Variants in ASTN2 observed in about 807,000 individuals in gnomAD.
ASTN2 encodes astrotactin-2.
Under a neutral mutation model 139.8 loss-of-function variants are expected in ASTN2, and 54 were observed. The ratio of observed to expected loss-of-function variants is 0.39; its 90% confidence interval spans 0.31 to 0.48. ASTN2 has a LOEUF of 0.48. Among genes scored for constraint, ASTN2 ranks in the 20% least tolerant of loss-of-function variants. The probability of loss-of-function intolerance (pLI) is 0.95; values close to 1 mark genes in which losing one functional copy is unlikely to be tolerated. For synonymous variants in ASTN2, 756 were observed against 719.5 expected (o/e 1.05, Z -0.81); for missense variants, 1,565 against 1,725.1 (o/e 0.91, Z 1.64).
At chr9:116,484,740 C>T (rs1849285230) in intron 20 of ASTN2, among the ~76,000 whole-genome samples, 2 of 152,090 alleles carry the variant, frequency 1.3e-5, no homozygotes, top group Admixed American at 1.3e-4. Flanking sequence ...CTGACAAGCA[C>T]ATTTCCAGGA....
At chr9:116,676,472 A>T (rs60772419) in intron 16 of ASTN2, among the ~76,000 whole-genome samples, 21,355 of 152,194 alleles carry the variant, frequency 0.14, 1,589 homozygotes, top group Middle Eastern at 0.2. Flanking sequence ...GTCAGTTACA[A>T]ACTTTGCTAC....
Position 117,161,415 on chromosome 9 carries a change from A to T in ASTN2, c.1016-19937T>A, listed in dbSNP as rs147347903. 1.8e-3 allele frequency among the ~76,000 whole-genome samples: 273 copies of T among 152,112 alleles called. 1 individual carries two copies. Among genetic ancestry groups the T allele is most frequent in the Middle Eastern group, 6.8e-3 (2 of 292 alleles). On this transcript the variant is annotated intron_variant, in intron 3 of 22. Coordinates refer to ENST00000313400, the MANE Select transcript of ASTN2 (RefSeq NM_001365068.1). ...TTTTTTCTTTTTTCTTTTTTGCAAG[A>T]CAGGGTCTCACTCTGTCACCCAGGC... is the stretch of plus-strand genomic sequence containing the variant.
intron 19 of ASTN2, among the ~76,000 whole-genome samples, chr9:116,488,075 T>C (rs1849398754): frequency 6.6e-6 from 1 of 152,166 alleles, no homozygotes; most frequent in African/African-American, 2.4e-5. Flanking sequence ...CATGGAACCT[T>C]CACCATGTAC....
intron 10 of ASTN2, among the ~76,000 whole-genome samples, chr9:116,894,664 G>A (rs1833840411): frequency 6.6e-6 from 1 of 152,040 alleles, no homozygotes; most frequent in Admixed American, 6.6e-5. Flanking sequence ...CTGGCCTCCT[G>A]GGATCCTGGG....
At chr9:116,839,871 TA>T (rs1832146231) in intron 11 of ASTN2, among the ~76,000 whole-genome samples, 1 of 104,792 alleles carries the variant, frequency 9.5e-6, no homozygotes, top group Admixed American at 9.7e-5. Context: ...TTATTATTAT[TA>T]TTATTATTAT....
In ASTN2 at chr9:117,298,702, ATGTGTGTG is replaced by A. The variant is rs60775898; in HGVS notation, c.443-7197_443-7190del. 3.4e-3 allele frequency among the ~76,000 whole-genome samples: 461 copies of A among 136,180 alleles called. 3 individuals are homozygous for A. Among genetic ancestry groups the A allele is most frequent in the Non-Finnish European group, 5.8e-3 (381 of 65,158 alleles). 89.3% of individuals were successfully genotyped at this position (136,180 alleles called of 152,430 possible). A position where few individuals can be genotyped will look rare whatever the true frequency, so the allele number is the denominator to read the frequency against. The stretch of plus-strand genomic sequence containing the variant: ...TATATATATATATATGTGCATATGT[ATGTGTGTG>A]TGTGTGTGTGTGTGTGTGTGTGTAT... On this transcript the variant is annotated intron_variant, in intron 1 of 22. Transcript: ENST00000313400.
At chr9:117,263,501 G>T (rs1211178945) in intron 2 of ASTN2, among the ~76,000 whole-genome samples, 1 of 152,062 alleles carries the variant, frequency 6.6e-6, no homozygotes, top group African/African-American at 2.4e-5. Flanking sequence ...GGATACTTTT[G>T]CTATTATTTC....
chr9:117,270,635 C>T lies in ASTN2; in HGVS notation c.630+20691G>A, dbSNP rs80089761. ...TGTTTGGTCTCACCATTGAGTGGCT[C>T]TGTGATCTTGGACATGATAAACTTT... On this transcript the variant is annotated intron_variant, in intron 2 of 22. Coordinates refer to ENST00000313400, the MANE Select transcript of ASTN2 (RefSeq NM_001365068.1). 0.01 allele frequency among the ~76,000 whole-genome samples: 1,552 copies of T among 152,302 alleles called. 68 individuals are homozygous for T. In the East Asian group the frequency reaches 0.11, roughly 10 times the overall value.
intron 6 of ASTN2, among the ~76,000 whole-genome samples, chr9:117,029,976 A>G (rs1838201438): frequency 6.6e-6 from 1 of 152,034 alleles, no homozygotes; most frequent in Admixed American, 6.6e-5. Context: ...GAATCAGCCC[A>G]CTAATACTCT....
intron 19 of ASTN2, among the ~76,000 whole-genome samples, chr9:116,537,003 C>T (rs1216722361): frequency 6.6e-6 from 1 of 152,212 alleles, no homozygotes; most frequent in Non-Finnish European, 1.5e-5. Flanking sequence ...GTGGGCTCCA[C>T]CCCTTTTGAG....
rs529354148 is a variant in ASTN2 at position 116,483,116 on chromosome 9, G to A, written c.3497+4243C>T. 2.0e-5 allele frequency among the ~76,000 whole-genome samples: 3 copies of A among 152,350 alleles called. No homozygotes were observed. In the East Asian group the frequency reaches 5.8e-4, roughly 29 times the overall value. On this transcript the variant is annotated intron_variant, in intron 20 of 22. Transcript: ENST00000313400. ...GCCAGGCCTGAGCCATTGGCCCTGA[G>A]TGGAGACTCCTGCTCAGGGTCACCC...
rs1305897358 is a variant in ASTN2 at position 117,200,511 on chromosome 9, CTGT to C, written c.1015+13844_1015+13846del. Among the ~76,000 whole-genome samples, 5 of 152,002 alleles carry C rather than the reference CTGT, an allele frequency of 3.3e-5. No homozygotes were observed. The East Asian group carries it at 9.6e-4, about 29-fold the overall frequency. ...TTGGCTGTGGGTTTGTCATAAATAC[CTGT>C]TATTATTTTGACATATGTTCCATCA... On this transcript the variant is annotated intron_variant, in intron 3 of 22. Transcript: ENST00000313400.
intron 19 of ASTN2, among the ~76,000 whole-genome samples, chr9:116,606,799 C>T (rs1014279355): frequency 3.3e-5 from 5 of 152,132 alleles, no homozygotes; most frequent in Middle Eastern, 6.8e-3. Context: ...GAAAAAGGTG[C>T]TGTTTTTCCC....
chr9:116,755,058 C>T (rs758727207), intron 13 of ASTN2, among the ~76,000 whole-genome samples: 7 of 152,172 alleles, frequency 4.6e-5, no homozygotes, highest in Non-Finnish European at 1.0e-4. Context: ...ACTTTCTGCT[C>T]ATGCCCCTGC....
intron 7 of ASTN2, among the ~76,000 whole-genome samples, chr9:116,999,858 C>T (rs12349814): frequency 0.08 from 12,229 of 152,038 alleles, 676 homozygotes; most frequent in East Asian, 0.11. Flanking sequence ...CCATGCCTGG[C>T]CAGTAATTTT....
chr9:116,616,792 C>CACAA (rs386416025), intron 19 of ASTN2, among the ~76,000 whole-genome samples: 2 of 151,632 alleles, frequency 1.3e-5, no homozygotes, highest in Non-Finnish European at 2.9e-5. Context: ...CACACACACA[C>CACAA]ACACACACAC....
At chr9:117,003,611 C>T (rs1388100521) in intron 7 of ASTN2, among the ~76,000 whole-genome samples, 1 of 131,830 alleles carries the variant, frequency 7.6e-6, no homozygotes, top group African/African-American at 2.8e-5. Context: ...CTGGCTAACA[C>T]ACACCTTGGA....
chr9:117,169,763 G>A (rs546098557), intron 3 of ASTN2, among the ~76,000 whole-genome samples: 2 of 152,202 alleles, frequency 1.3e-5, no homozygotes, highest in South Asian at 2.1e-4. Flanking sequence ...GTGTGGGGAG[G>A]GAAGGTTTCC....
intron 4 of ASTN2, among the ~76,000 whole-genome samples, chr9:117,135,481 C>T (rs943493560): frequency 6.6e-6 from 1 of 152,194 alleles, no homozygotes; most frequent in Non-Finnish European, 1.5e-5. Flanking sequence ...TACCCGTCTC[C>T]ATCCATTCAT....
Sources: gnomAD v4.1 joint callset for allele counts (sites outside exome capture counted in the v4.1 genomes callset) on GRCh38, gnomAD v4.1.1 for gene constraint, MANE v1.5 for transcripts, NCBI Gene and HGNC (gene_info 2026-07-23, HGNC 2026-07-21) for gene names.